Variants in SELENOI observed in about 807,000 individuals in gnomAD.
The protein encoded by SELENOI is ethanolaminephosphotransferase 1.
Under a neutral mutation model 50.7 loss-of-function variants are expected in SELENOI, and 24 were observed. The ratio of observed to expected loss-of-function variants is 0.47; its 90% CI spans 0.34 to 0.67. The LOEUF (loss-of-function observed/expected upper bound fraction) is 0.67. Among genes scored for constraint, SELENOI ranks in the 30% least tolerant of loss-of-function variants. SELENOI has a pLI of 0.01. For missense variants in SELENOI, 352 were observed against 461.4 expected (o/e 0.76, Z 2.17); for synonymous variants, 155 against 170.2 (o/e 0.91, Z 0.70).
At chr2:26,365,948 T>G (rs948474794) in intron 3 of SELENOI, among the ~76,000 whole-genome samples, 3 of 152,000 alleles carry the variant, frequency 2.0e-5, no homozygotes, top group African/African-American at 7.3e-5. Flanking sequence ...ACTACAGGCG[T>G]GTACTTCCAT....
rs11900902 is a variant in SELENOI at position 26,354,662 on chromosome 2, A to T, written c.57+8373A>T. ...CGCCTTGGCCTTCCAAAGTGCTGGG[A>T]TTACAGATGTGAGCCACCGCGCCTG... On this transcript the variant is annotated intron_variant, in intron 1 of 9. Coordinates refer to ENST00000260585, the MANE Select transcript of SELENOI (RefSeq NM_033505.4). Among the ~76,000 whole-genome samples, 882 of 151,862 alleles carry T rather than the reference A, an allele frequency of 5.8e-3. 4 individuals are homozygous for T. The highest frequency in any genetic ancestry group is 0.02 in the African/African-American group (826 of 41,394).
chr2:26,373,665 C>T (rs761012767), intron 5 of SELENOI, 36 bp downstream of exon 5: 4 of 1,588,936 alleles, frequency 2.5e-6, no homozygotes, highest in Non-Finnish European at 3.4e-6. Context: ...TTCAGTATTA[C>T]CATGATACTT....
intron 4 of SELENOI, among the ~76,000 whole-genome samples, chr2:26,369,611 T>C (rs962360850): frequency 6.6e-6 from 1 of 152,230 alleles, no homozygotes; most frequent in East Asian, 1.9e-4. Context: ...AGTGTCCCTC[T>C]CTCCAGCCTG....
Position 26,364,991 on chromosome 2 carries a change from T to C in SELENOI, c.235+51T>C, listed in dbSNP as rs935442971. On this transcript the variant is annotated intron_variant, in intron 3 of 9. Coordinates refer to ENST00000260585, the MANE Select transcript of SELENOI (RefSeq NM_033505.4). Reference sequence around the variant, plus strand: ...TTTAACTGAGTAGAAAAAAATGAAATGTGGATGCTTATTTTCTGGTTTTGT... The same window carrying C: ...TTTAACTGAGTAGAAAAAAATGAAACGTGGATGCTTATTTTCTGGTTTTGT... 13 of 1,292,424 alleles carry C rather than the reference T, an allele frequency of 1.0e-5. No homozygotes were observed. In the African/African-American group the frequency reaches 1.7e-4, roughly 17 times the overall value. The allele number at this position is 1,292,424 out of a possible 1,614,324, so 80.1% of individuals were successfully genotyped here.
chr2:26,387,489 G>A (rs1400567624), intron 9 of SELENOI, among the ~76,000 whole-genome samples: 2 of 151,660 alleles, frequency 1.3e-5, no homozygotes, highest in Non-Finnish European at 2.9e-5. Context: ...TCAGGAGTTC[G>A]AGACCACCCT....
rs372567603 is a variant in SELENOI at position 26,373,452 on chromosome 2, A to C, written c.396A>C (p.Ser132=). ...TTGATCATGGCCTGGATAGTTGGTC[A>C]TGTGTTTACTTTGTTGTGACTGTTT... The part of the protein sequence containing the change: ...ELFDHGLDSW[S]CVYFVVTVYS... The change falls in exon 5 of 10, where the codon TCA becomes TCC. Residue 132 remains serine, a synonymous_variant. Coordinates refer to ENST00000260585, the MANE Select transcript of SELENOI (RefSeq NM_033505.4). 1 of 1,613,880 alleles carries C rather than the reference A, an allele frequency of 6.2e-7. No homozygotes were observed. The highest frequency in any genetic ancestry group is 8.5e-7 in the Non-Finnish European group (1 of 1,179,828).
At chr2:26,374,680 C>A (rs189551374) in intron 5 of SELENOI, among the ~76,000 whole-genome samples, 1 of 151,472 alleles carries the variant, frequency 6.6e-6, no homozygotes, top group African/African-American at 2.4e-5. Context: ...GCGATTCTTC[C>A]GCCTCAGCCT....
chr2:26,352,450 C>T (rs1676979685), intron 1 of SELENOI, among the ~76,000 whole-genome samples: 1 of 152,126 alleles, frequency 6.6e-6, no homozygotes, highest in African/African-American at 2.4e-5. Context: ...ATTTAGCCAA[C>T]AGTTATGTTT....
chr2:26,383,552 G>C (rs1241080768), intron 7 of SELENOI, among the ~76,000 whole-genome samples: 2 of 152,098 alleles, frequency 1.3e-5, no homozygotes, highest in East Asian at 1.9e-4. Context: ...AAAACTACTA[G>C]TTCTTTTGTT....
chr2:26,377,969 A>G (rs1451968929), intron 6 of SELENOI, among the ~76,000 whole-genome samples: 1 of 151,982 alleles, frequency 6.6e-6, no homozygotes, highest in African/African-American at 2.4e-5. Flanking sequence ...TCTGATAGGC[A>G]TTTAACTTGT....
At chr2:26,364,066 T>G (rs943170460) in intron 1 of SELENOI, among the ~76,000 whole-genome samples, 1 of 149,114 alleles carries the variant, frequency 6.7e-6, no homozygotes, top group African/African-American at 2.5e-5. Context: ...TACTATTACT[T>G]TCTTTCTCCC....
intron 4 of SELENOI, among the ~76,000 whole-genome samples, chr2:26,372,071 G>C (rs903989331): frequency 6.6e-6 from 1 of 151,754 alleles, no homozygotes; most frequent in Non-Finnish European, 1.5e-5. Flanking sequence ...ACTCTTTTAT[G>C]GTTTGTGATA....
In SELENOI at chr2:26,384,955, C is replaced by T; in HGVS notation, c.732-4C>T. The T allele has an allele frequency of 3.2e-6, 5 of 1,583,680 alleles. No homozygotes were observed. The highest frequency in any genetic ancestry group is 3.7e-5 in the Admixed American group (2 of 54,468). On this transcript the variant is annotated splice_region_variant and splice_polypyrimidine_tract_variant and intron_variant, in intron 7 of 9. Transcript: ENST00000260585. ...TCTTTATATTACTTGATTTTTTTTTCCAGAAGCTATAAAAATAACACCTTG... is the reference window on the plus strand; with the variant it reads ...TCTTTATATTACTTGATTTTTTTTTTCAGAAGCTATAAAAATAACACCTTG...
chr2:26,379,697 GA>G (rs1677643668), intron 6 of SELENOI, among the ~76,000 whole-genome samples: 2 of 152,158 alleles, frequency 1.3e-5, no homozygotes, highest in South Asian at 4.2e-4. Context: ...CATGGCTTAG[GA>G]ATTCATTCAT....
intron 1 of SELENOI, among the ~76,000 whole-genome samples, chr2:26,357,605 C>A (rs558725691): frequency 1.3e-5 from 2 of 152,368 alleles, no homozygotes; most frequent in African/African-American, 4.8e-5. Flanking sequence ...TCCAGTAGCT[C>A]CTGGCCTGCC....
At chr2:26,349,673 T>TG (rs1223120161) in intron 1 of SELENOI, among the ~76,000 whole-genome samples, 1 of 149,346 alleles carries the variant, frequency 6.7e-6, no homozygotes, top group African/African-American at 2.5e-5. Flanking sequence ...CAAGTTGGTT[T>TG]TTTTTTTTTT....
chr2:26,352,178 AG>A (rs1473777445), intron 1 of SELENOI, among the ~76,000 whole-genome samples: 2 of 152,148 alleles, frequency 1.3e-5, no homozygotes, highest in African/African-American at 4.8e-5. Flanking sequence ...AGTGGTTCTT[AG>A]GCACATTATA....
At chr2:26,387,968 A>G (rs1677882074) in intron 9 of SELENOI, among the ~76,000 whole-genome samples, 1 of 152,168 alleles carries the variant, frequency 6.6e-6, no homozygotes, top group South Asian at 2.1e-4. Flanking sequence ...CTTGATAACA[A>G]CTTTATACCT....
chr2:26,346,936 CCT>C (rs1676793833), intron 1 of SELENOI: 1 of 152,210 alleles, frequency 6.6e-6, no homozygotes, highest in South Asian at 2.1e-4. Context: ...CCCCGCTCAG[CCT>C]CTCTTTTGTG....
Sources: gnomAD v4.1 joint callset for allele counts (sites outside exome capture counted in the v4.1 genomes callset) on GRCh38, gnomAD v4.1.1 for gene constraint, MANE v1.5 for transcripts, NCBI Gene and HGNC (gene_info 2026-07-23, HGNC 2026-07-21) for gene names.